Variants in SEPTIN11 observed in about 807,000 individuals in gnomAD.
SEPTIN11 encodes septin 11.
In SEPTIN11, 25 loss-of-function variants were observed where a neutral mutation model predicts 51.4. The observed-to-expected ratio is 0.49, with a 90% CI of 0.35 to 0.68. SEPTIN11 has a LOEUF of 0.68. Among genes scored for constraint, SEPTIN11 ranks in the 30% least tolerant of loss-of-function variants. The pLI, the probability that SEPTIN11 is intolerant of heterozygous loss-of-function variation, is 0.00. For synonymous variants in SEPTIN11, 174 were observed against 184.1 expected, an observed-to-expected ratio of 0.95 and a Z score of 0.44; for missense variants, 381 against 520.8, an observed-to-expected ratio of 0.73 and a Z score of 2.61.
At chr4:76,967,285 C>T (rs974396748) in intron 1 of SEPTIN11, among the ~76,000 whole-genome samples, 3 of 152,216 alleles carry the variant, frequency 2.0e-5, no homozygotes, top group East Asian at 1.9e-4. Flanking sequence ...TAGTTAATGG[C>T]CAATGGTTTA....
intron 1 of SEPTIN11, among the ~76,000 whole-genome samples, chr4:76,987,614 C>T (rs906643539): frequency 1.3e-5 from 2 of 152,072 alleles, no homozygotes; most frequent in African/African-American, 4.8e-5. Context: ...GAATGTGAAA[C>T]CAATTCAATA....
chr4:76,965,341 C>T (rs1226111935), intron 1 of SEPTIN11, among the ~76,000 whole-genome samples: 1 of 151,262 alleles, frequency 6.6e-6, no homozygotes, highest in Non-Finnish European at 1.5e-5. Context: ...GTCCAGGCTA[C>T]TTGGGAGGCT....
intron 2 of SEPTIN11, among the ~76,000 whole-genome samples, chr4:76,999,837 G>C (rs1723999583): frequency 6.6e-6 from 1 of 152,178 alleles, no homozygotes; most frequent in Admixed American, 6.5e-5. Flanking sequence ...AGAACACCCA[G>C]GAGTTCATCA....
At chr4:76,995,532 C>T (rs1560717320) in intron 1 of SEPTIN11, among the ~76,000 whole-genome samples, 1 of 152,170 alleles carries the variant, frequency 6.6e-6, no homozygotes, top group Non-Finnish European at 1.5e-5. Flanking sequence ...AAGGAGAAGA[C>T]TTTCAGTGTC....
intron 1 of SEPTIN11, among the ~76,000 whole-genome samples, chr4:76,963,673 T>C (rs1041307348): frequency 7.9e-5 from 12 of 152,246 alleles, no homozygotes; most frequent in Non-Finnish European, 5.9e-5. Context: ...TTTGTTTAAT[T>C]TTAATTAATT....
At chr4:77,025,578 A>G (rs773792672) in intron 7 of SEPTIN11, among the ~76,000 whole-genome samples, 18 of 151,976 alleles carry the variant, frequency 1.2e-4, no homozygotes, top group African/African-American at 4.4e-4. Flanking sequence ...CACTTTGGAT[A>G]TCTTTACTGA....
chr4:77,013,934 G>A (rs1170671274), intron 4 of SEPTIN11, among the ~76,000 whole-genome samples: 2 of 152,130 alleles, frequency 1.3e-5, no homozygotes, highest in Non-Finnish European at 2.9e-5. Flanking sequence ...CAGGGATTAG[G>A]GGAAAGTTAA....
chr4:77,016,214 TCA>T (rs1342960004), intron 5 of SEPTIN11, among the ~76,000 whole-genome samples: 2 of 152,004 alleles, frequency 1.3e-5, no homozygotes, highest in Admixed American at 6.6e-5. Context: ...CATTTAATCC[TCA>T]CAACAGTTGC....
chr4:76,954,602 G>C (rs1278840766), intron 1 of SEPTIN11, among the ~76,000 whole-genome samples: 1 of 152,214 alleles, frequency 6.6e-6, no homozygotes, highest in East Asian at 1.9e-4. Flanking sequence ...TAAGGTAATA[G>C]AGACAGACTT....
chr4:77,018,190 G>A (rs1725431316), intron 5 of SEPTIN11, among the ~76,000 whole-genome samples: 3 of 149,614 alleles, frequency 2.0e-5, no homozygotes, highest in Admixed American at 1.3e-4. Flanking sequence ...CAGCACTTTC[G>A]GAGTAATCCC....
Position 77,035,804 on chromosome 4 carries a change from G to A in SEPTIN11, c.*1292G>A, listed in dbSNP as rs3211022. The A allele has an allele frequency of 5.1e-6, 5 of 985,704 alleles. No individual in the cohort carries two copies. Among genetic ancestry groups the A allele is most frequent in the Non-Finnish European group, 3.6e-6 (3 of 829,922 alleles). 61.1% of individuals were successfully genotyped at this position (985,704 alleles called of 1,614,324 possible). On this transcript the variant is annotated 3_prime_UTR_variant, in exon 10 of 10. Transcript: ENST00000264893. ...CTAAATGCCTAATTTGTATGGAAGA[G>A]TGCATATTTAATCTCTTTTCTATAC...
intron 7 of SEPTIN11, among the ~76,000 whole-genome samples, chr4:77,026,562 A>G (rs955283688): frequency 9.9e-5 from 15 of 152,168 alleles, no homozygotes; most frequent in African/African-American, 2.9e-4. Flanking sequence ...TGAATCTGCT[A>G]AAAGGATATC....
At chr4:77,007,663 A>G (rs956301441) in intron 3 of SEPTIN11, among the ~76,000 whole-genome samples, 1 of 152,216 alleles carries the variant, frequency 6.6e-6, no homozygotes, top group Admixed American at 6.5e-5. Flanking sequence ...GATTTAGAAG[A>G]GAGGAAGTGT....
At chr4:77,002,644 C>T (rs962432302) in intron 2 of SEPTIN11, among the ~76,000 whole-genome samples, 1 of 152,194 alleles carries the variant, frequency 6.6e-6, no homozygotes, top group Admixed American at 6.5e-5. Context: ...TTTCTGTATC[C>T]ACTACACAGT....
At chr4:76,997,564 C>T (rs1289334759) in intron 2 of SEPTIN11, among the ~76,000 whole-genome samples, 1 of 152,122 alleles carries the variant, frequency 6.6e-6, no homozygotes, top group African/African-American at 2.4e-5. Context: ...AATTGGCAGG[C>T]ACGCTACACC....
chr4:76,977,434 G>A (rs10017391), intron 1 of SEPTIN11, among the ~76,000 whole-genome samples: 2,596 of 152,226 alleles, frequency 0.017, 79 homozygotes, highest in African/African-American at 0.059. Context: ...GGGGGTCTAA[G>A]TAAATATTGT....
intron 7 of SEPTIN11, among the ~76,000 whole-genome samples, chr4:77,028,247 C>T (rs1002993372): frequency 6.6e-6 from 1 of 152,186 alleles, no homozygotes; most frequent in Non-Finnish European, 1.5e-5. Context: ...GGCCCAAATT[C>T]CAATCCGGAT....
At chr4:77,014,077 A>G (rs1390431950) in intron 4 of SEPTIN11, among the ~76,000 whole-genome samples, 2 of 152,156 alleles carry the variant, frequency 1.3e-5, no homozygotes, top group African/African-American at 2.4e-5. Flanking sequence ...CCTGCCACTA[A>G]TGTCAAATTC....
chr4:76,969,151 C>T (rs971961509), intron 1 of SEPTIN11, among the ~76,000 whole-genome samples: 5 of 152,272 alleles, frequency 3.3e-5, no homozygotes, highest in South Asian at 2.1e-4. Flanking sequence ...AGCAAGTTGG[C>T]GGCGGGAGCT....
Sources: allele counts gnomAD v4.1 joint callset (sites outside exome capture counted in the v4.1 genomes callset), GRCh38; gene constraint gnomAD v4.1.1; transcripts MANE v1.5; gene names NCBI Gene and HGNC (gene_info 2026-07-23, HGNC 2026-07-21).